BICC1: variants seen among roughly 807,000 people sequenced by gnomAD.
BICC1 encodes the protein protein bicaudal C homolog 1.
A neutral mutation model predicts 111.0 loss-of-function variants in BICC1; 43 were observed. The ratio of observed to expected loss-of-function variants is 0.39; its 90% CI spans 0.30 to 0.50. The LOEUF is 0.50. BICC1 is among the 20% of genes least tolerant of loss of function. The probability of loss-of-function intolerance (pLI) is 0.88; values close to 1 mark genes in which losing one functional copy is unlikely to be tolerated. For missense variants in BICC1, 1,091 were observed against 1,203.2 expected (o/e 0.91, Z 1.38); for synonymous variants, 467 against 434.4 (o/e 1.07, Z -0.93).
chr10:58,649,451 G>T (rs113385050), intron 2 of BICC1, among the ~76,000 whole-genome samples: 1,619 of 152,240 alleles, frequency 0.011, 32 homozygotes, highest in African/African-American at 0.037. Flanking sequence ...GAGACCATCA[G>T]ATATTCTGCT....
At chr10:58,585,121 A>ATCG (rs1844394662) in intron 1 of BICC1, among the ~76,000 whole-genome samples, 1 of 152,228 alleles carries the variant, frequency 6.6e-6, no homozygotes, top group Non-Finnish European at 1.5e-5. Context: ...GAACCGGATC[A>ATCG]ATAATTTATT....
In BICC1 at chr10:58,796,351, G is replaced by A. The variant is rs1843352706; in HGVS notation, c.1191G>A (p.Val397=). 2 of 1,613,492 alleles carry A rather than the reference G, an allele frequency of 1.2e-6. No individual in the cohort carries two copies. The highest frequency in any genetic ancestry group is 1.7e-6 in the Non-Finnish European group (2 of 1,179,802). Residue 397 remains valine, a synonymous_variant, in exon 10 of 21, where the codon GTG becomes GTA. Coordinates refer to ENST00000373886, the MANE Select transcript of BICC1 (RefSeq NM_001080512.3). ...KPKQPSKSVI[V]KSVERNALNM... is the part of the protein sequence containing the mutation. ...ATGTGTTTTCATAGTCTGTGATTGT[G>A]AAAAGTGTTGAGCGAAATGCCTTAA...
chr10:58,590,347 G>A (rs1050829412), intron 1 of BICC1, among the ~76,000 whole-genome samples: 4 of 152,144 alleles, frequency 2.6e-5, no homozygotes, highest in African/African-American at 9.7e-5. Flanking sequence ...CTGCCTGCTT[G>A]TGCTAAGGAG....
chr10:58,805,903 C>T (rs1045845911), intron 15 of BICC1, among the ~76,000 whole-genome samples: 4 of 152,170 alleles, frequency 2.6e-5, no homozygotes, highest in South Asian at 2.1e-4. Flanking sequence ...TATCTTAGTC[C>T]TCACATACAC....
At chr10:58,553,840 T>C (rs1197069899) in intron 1 of BICC1, among the ~76,000 whole-genome samples, 4 of 151,876 alleles carry the variant, frequency 2.6e-5, no homozygotes, top group Admixed American at 1.3e-4. Flanking sequence ...ACTTTGTCAA[T>C]AGAGTACAAA....
chr10:58,562,479 A>G (rs1053655504), intron 1 of BICC1, among the ~76,000 whole-genome samples: 13 of 151,552 alleles, frequency 8.6e-5, no homozygotes, highest in Admixed American at 7.2e-4. Context: ...TCTTTTTTAT[A>G]TCTATTTGTG....
rs139487790 is a variant in BICC1, at chr10:58,777,935, A to G, written c.308-7066A>G. ...TATTTTTTCAGTTTTAAAATAAGAT[A>G]TTGGCTGGGTGTGGTAGCTCATGCC... On this transcript the variant is annotated intron_variant, in intron 3 of 20. Transcript: ENST00000373886. Among the ~76,000 whole-genome samples, 707 of 152,206 alleles carry G rather than the reference A, an allele frequency of 4.6e-3. 3 individuals carry two copies. Among genetic ancestry groups the G allele is most frequent in the African/African-American group, 0.016 (675 of 41,524 alleles).
At chr10:58,597,007 C>G (rs1374081958) in intron 1 of BICC1, among the ~76,000 whole-genome samples, 1 of 152,104 alleles carries the variant, frequency 6.6e-6, no homozygotes, top group Admixed American at 6.6e-5. Context: ...CAATGCTATC[C>G]CCATCAAGCT....
At chr10:58,575,088 T>TG (rs1221783234) in intron 1 of BICC1, among the ~76,000 whole-genome samples, 4 of 152,110 alleles carry the variant, frequency 2.6e-5, no homozygotes, top group African/African-American at 9.6e-5. Context: ...TAGGTATACA[T>TG]GTGCCATGGT....
intron 3 of BICC1, among the ~76,000 whole-genome samples, chr10:58,707,730 T>C (rs1840431318): frequency 6.6e-6 from 1 of 151,802 alleles, no homozygotes; most frequent in Non-Finnish European, 1.5e-5. Flanking sequence ...GGAGTTTTGC[T>C]CTTATTGCCC....
intron 3 of BICC1, among the ~76,000 whole-genome samples, chr10:58,741,355 A>G (rs1564586538): frequency 6.6e-6 from 1 of 152,214 alleles, no homozygotes; most frequent in East Asian, 1.9e-4. Context: ...CAGCCCCATG[A>G]AAGAAGTTAG....
At position 58,796,389 on chromosome 10, in the gene BICC1, C is replaced by T; in HGVS notation, c.1229C>T (p.Ala410Val). Residue 410 changes from alanine to valine, a missense_variant, in exon 10 of 21, where the codon GCA (alanine) becomes GTA (valine). Ala to Val is a moderately conservative substitution (Grantham distance 64). Around this residue, in one of 3 missense-constraint regions of BICC1, gnomAD observed 843 missense variants for 900.8 expected, o/e 0.94. Coordinates refer to ENST00000373886, the MANE Select transcript of BICC1 (RefSeq NM_001080512.3). Reference protein sequence around the residue: ...VERNALNMYEARKCLLGLESS... With the variant: ...VERNALNMYEVRKCLLGLESS... The stretch of plus-strand genomic sequence containing the variant: ...CGAAATGCCTTAAATATGTATGAAG[C>T]AAGGAAATGTCTCCTCGGACTTGAA... The T allele has an allele frequency of 6.2e-7, 1 of 1,613,940 alleles. No homozygotes were observed. Among genetic ancestry groups the T allele is most frequent in the Non-Finnish European group, 8.5e-7 (1 of 1,179,970 alleles).
At chr10:58,579,485 A>G (rs1273521071) in intron 1 of BICC1, among the ~76,000 whole-genome samples, 1 of 152,146 alleles carries the variant, frequency 6.6e-6, no homozygotes, top group African/African-American at 2.4e-5. Context: ...TCCACGTGTC[A>G]CCATGATCAG....
intron 1 of BICC1, among the ~76,000 whole-genome samples, chr10:58,520,331 C>G (rs1484324932): frequency 2.0e-5 from 3 of 152,086 alleles, no homozygotes; most frequent in African/African-American, 7.2e-5. Flanking sequence ...GCAAGAAAAT[C>G]TTGTTATGCT....
intron 1 of BICC1, among the ~76,000 whole-genome samples, chr10:58,545,944 A>C (rs1843127336): frequency 6.6e-6 from 1 of 152,160 alleles, no homozygotes; most frequent in Non-Finnish European, 1.5e-5. Flanking sequence ...GGGAGGGATT[A>C]GTCTTTGTCA....
intron 1 of BICC1, among the ~76,000 whole-genome samples, chr10:58,575,010 A>C (rs879131258): frequency 2.0e-5 from 3 of 150,678 alleles, no homozygotes; most frequent in African/African-American, 4.9e-5. Context: ...TGACCCCTCA[A>C]ACCTTTTTTT....
intron 2 of BICC1, among the ~76,000 whole-genome samples, chr10:58,647,950 G>C (rs1053471692): frequency 6.6e-6 from 1 of 152,148 alleles, no homozygotes; most frequent in Non-Finnish European, 1.5e-5. Context: ...TAAACTGTTG[G>C]AGAATACACT....
intron 2 of BICC1, among the ~76,000 whole-genome samples, chr10:58,676,687 C>A (rs1349468319): frequency 1.3e-5 from 2 of 152,196 alleles, no homozygotes; most frequent in African/African-American, 4.8e-5. Flanking sequence ...GCACAGCGTT[C>A]AAGCTCTGCT....
chr10:58,520,098 A>G (rs1020497598), intron 1 of BICC1, among the ~76,000 whole-genome samples: 26 of 152,284 alleles, frequency 1.7e-4, no homozygotes, highest in Admixed American at 1.4e-3. Context: ...TAGAATTATC[A>G]TCCCATGTTT....
Sources: gnomAD v4.1 joint callset for allele counts (sites outside exome capture counted in the v4.1 genomes callset) on GRCh38, gnomAD v4.1.1 for gene constraint, gnomAD v4.1.1 regional missense constraint, MANE v1.5 for transcripts, NCBI Gene and HGNC (gene_info 2026-07-23, HGNC 2026-07-21) for gene names.